The following SH3KBP1 variants were observed in gnomAD, a reference collection of about 807,000 sequenced individuals.
The protein encoded by SH3KBP1 is SH3 domain containing kinase binding protein 1.
Under a neutral mutation model 50.1 loss-of-function variants are expected in SH3KBP1, and 8 were observed. The ratio of observed to expected loss-of-function variants is 0.16; its 90% CI spans 0.09 to 0.29. The LOEUF (loss-of-function observed/expected upper bound fraction) is 0.29. Among genes scored for constraint, SH3KBP1 ranks in the 10% least tolerant of loss-of-function variants. The pLI, the probability that SH3KBP1 is intolerant of heterozygous loss-of-function variation, is 1.00. For missense variants in SH3KBP1, 377 were observed against 535.2 expected (o/e 0.70, Z 2.92); for synonymous variants, 227 against 218.6 (o/e 1.04, Z -0.34).
At chrX:19,675,285 T>G (rs1485850239) in intron 6 of SH3KBP1, among the ~76,000 whole-genome samples, 1 of 111,049 alleles carries the variant, frequency 9.0e-6, no homozygotes, top group Non-Finnish European at 1.9e-5. Flanking sequence ...TAGATTCTCT[T>G]GTTACTCTAA....
chrX:19,668,974 A>ATT lies in SH3KBP1; in HGVS notation c.726+14847_726+14848dup, dbSNP rs1241616577. 2.4e-3 allele frequency among the ~76,000 whole-genome samples: 156 copies of ATT among 63,868 alleles called. 1 individual carries two copies. Among genetic ancestry groups the ATT allele is most frequent in the South Asian group, 0.012 (11 of 938 alleles). The allele number at this position is 63,868 out of a possible 115,157, so 55.5% of individuals were successfully genotyped here. ...TATATATATATATATATATATATAT[A>ATT]TTTTTTGAGACAGGCTGTCACTCTG... On this transcript the variant is annotated intron_variant, in intron 6 of 17. Transcript: ENST00000397821.
At chrX:19,840,813 TA>T (rs1384227196) in intron 1 of SH3KBP1, among the ~76,000 whole-genome samples, 1 of 112,091 alleles carries the variant, frequency 8.9e-6, no homozygotes, top group Non-Finnish European at 1.9e-5. Context: ...CAAAATCCCA[TA>T]TTTAAAGACA....
intron 2 of SH3KBP1, among the ~76,000 whole-genome samples, chrX:19,754,712 G>A (rs2148840280): frequency 9.0e-6 from 1 of 111,342 alleles, no homozygotes; most frequent in South Asian, 3.8e-4. Context: ...CAAGTGATCA[G>A]AGGCAGAATA....
chrX:19,612,713 C>T (rs1303231127), intron 8 of SH3KBP1, among the ~76,000 whole-genome samples: 2 of 111,888 alleles, frequency 1.8e-5, no homozygotes, highest in East Asian at 5.6e-4. Flanking sequence ...GAAAAGAAAA[C>T]CATCATGTCC....
At chrX:19,546,773 T>C (rs1463509590) in intron 14 of SH3KBP1, among the ~76,000 whole-genome samples, 1 of 111,773 alleles carries the variant, frequency 8.9e-6, no homozygotes, top group African/African-American at 3.3e-5. Flanking sequence ...CTATAGTATA[T>C]TTACAGAATG....
At chrX:19,762,888 T>C (rs1370890960) in intron 2 of SH3KBP1, among the ~76,000 whole-genome samples, 1 of 112,455 alleles carries the variant, frequency 8.9e-6, no homozygotes, top group Non-Finnish European at 1.9e-5. Flanking sequence ...CCTTGCCATT[T>C]AGACCACTGG....
Position 19,588,548 on chromosome X carries a change from TC to T in SH3KBP1, c.1298+94del, listed in dbSNP as rs773428644. ...GAAGCTTGAGCACCCCCTTCTCCTC[TC>T]CCTTCCTCCCAAGGTCTGTGGCAGT... On this transcript the variant is annotated intron_variant, in intron 12 of 17. Coordinates refer to ENST00000397821, the MANE Select transcript of SH3KBP1 (RefSeq NM_031892.3). 9.9e-6 allele frequency: 12 copies of T among 1,208,428 alleles called. No individual in the cohort carries two copies. In the African/African-American group the frequency reaches 1.8e-4, roughly 18 times the overall value.
Position 19,801,825 on chromosome X carries a change from T to C in SH3KBP1, c.162+34300A>G, listed in dbSNP as rs749089306. ...GTGCAGTGTCTCACGCCTGTAATTCTAACACTTTGGGAGGCTGAGGTGGGC... is the reference window on the plus strand; with the variant it reads ...GTGCAGTGTCTCACGCCTGTAATTCCAACACTTTGGGAGGCTGAGGTGGGC... On this transcript the variant is annotated intron_variant, in intron 2 of 17. Transcript: ENST00000397821. Among the ~76,000 whole-genome samples the C allele has an allele frequency of 8.0e-5, 9 of 112,097 alleles. No homozygotes were observed. The East Asian group carries it at 2.5e-3, about 32-fold the overall frequency.
chrX:19,712,661 C>T (rs901570019), intron 3 of SH3KBP1, among the ~76,000 whole-genome samples: 1 of 110,697 alleles, frequency 9.0e-6, no homozygotes, highest in Non-Finnish European at 1.9e-5. Context: ...AAAGTATCTC[C>T]CCACAGTTAC....
intron 13 of SH3KBP1, among the ~76,000 whole-genome samples, chrX:19,555,196 TA>T: frequency 8.9e-6 from 1 of 112,545 alleles, no homozygotes; most frequent in Middle Eastern, 4.2e-3. Flanking sequence ...TTTAAGAAGT[TA>T]GTTTCATAAG....
At chrX:19,744,975 C>T (rs763501178) in intron 3 of SH3KBP1, among the ~76,000 whole-genome samples, 8 of 112,483 alleles carry the variant, frequency 7.1e-5, no homozygotes, top group Admixed American at 5.6e-4. Flanking sequence ...GGTCAACATG[C>T]GTGCAATTGC....
chrX:19,836,478 C>T (rs1031920502), intron 1 of SH3KBP1, among the ~76,000 whole-genome samples, 196 bp from the exon 2 acceptor site: 15 of 111,887 alleles, frequency 1.3e-4, no homozygotes, highest in African/African-American at 4.2e-4. Context: ...AGTGCTGGTC[C>T]GTGGTCAGGC....
intron 6 of SH3KBP1, among the ~76,000 whole-genome samples, chrX:19,654,701 G>A (rs1466848827): frequency 8.9e-6 from 1 of 112,029 alleles, no homozygotes; most frequent in African/African-American, 3.2e-5. Context: ...CCTCCTACTA[G>A]AGGATTAGTT....
At chrX:19,821,219 C>G (rs774514512) in intron 2 of SH3KBP1, among the ~76,000 whole-genome samples, 1 of 111,474 alleles carries the variant, frequency 9.0e-6, no homozygotes, top group Non-Finnish European at 1.9e-5. Context: ...GGTGAAACCC[C>G]GTCTCTACTA....
rs1467301161 is a variant in SH3KBP1, at chrX:19,645,397, C to T, written c.802+3G>A. The T allele has an allele frequency of 8.5e-7, 1 of 1,178,708 alleles. No homozygotes were observed. The highest frequency in any genetic ancestry group is 1.2e-6 in the Non-Finnish European group (1 of 867,329). On this transcript the variant is annotated splice_donor_region_variant and intron_variant, in intron 7 of 17. Coordinates refer to ENST00000397821, the MANE Select transcript of SH3KBP1 (RefSeq NM_031892.3). ...TGTGAAACAGATAACTAAGGAAACT[C>T]ACTCTTTGTCCTGCTGTCCATTTCT...
Position 19,695,638 on chromosome X carries a change from G to T in SH3KBP1, c.494C>A (p.Ser165Tyr). Residue 165 changes from serine (S) to tyrosine (Y), a missense_variant, in exon 5 of 18, where the codon TCC becomes TAC. Physicochemically the swap from Ser to Tyr is moderately radical, Grantham distance 144 (BLOSUM62 -2). Around this residue, in one of 3 missense-constraint regions of SH3KBP1, gnomAD observed 257 missense variants for 374.2 expected, o/e 0.69. Coordinates refer to ENST00000397821, the MANE Select transcript of SH3KBP1 (RefSeq NM_031892.3). ...LSGESDELGI[S>Y]QDEQLSKSSL... The stretch of plus-strand genomic sequence containing the variant: ...TGACTTGGATAGCTGCTCATCCTGG[G>T]AAATGCCAAGCTCATCCGACTCCCC... 1 of 1,209,879 alleles carries T rather than the reference G, an allele frequency of 8.3e-7. No individual in the cohort carries two copies. Among genetic ancestry groups the T allele is most frequent in the Non-Finnish European group, 1.1e-6 (1 of 894,908 alleles).
intron 3 of SH3KBP1, among the ~76,000 whole-genome samples, chrX:19,732,197 G>A (rs2064400737): frequency 9.0e-6 from 1 of 111,330 alleles, no homozygotes; most frequent in Non-Finnish European, 1.9e-5. Context: ...GATCATGTAA[G>A]GGTATTTAGC....
chrX:19,723,142 CA>C (rs61434855), intron 3 of SH3KBP1, among the ~76,000 whole-genome samples: 3,033 of 30,956 alleles, frequency 0.098, 37 homozygotes, highest in African/African-American at 0.16. Flanking sequence ...GACTCCGTCT[CA>C]AAAAAAAAAA....
At chrX:19,757,455 A>G (rs990701580) in intron 2 of SH3KBP1, among the ~76,000 whole-genome samples, 1 of 109,500 alleles carries the variant, frequency 9.1e-6, no homozygotes, top group Non-Finnish European at 1.9e-5. Flanking sequence ...CCAGACACAA[A>G]TGCATATCTG....
Sources: gnomAD v4.1 joint callset for allele counts (sites outside exome capture counted in the v4.1 genomes callset) on GRCh38, gnomAD v4.1.1 for gene constraint, gnomAD v4.1.1 regional missense constraint, MANE v1.5 for transcripts, NCBI Gene and HGNC (gene_info 2026-07-23, HGNC 2026-07-21) for gene names.